NBAS: variants seen among roughly 807,000 people sequenced by gnomAD.
NBAS encodes NAG/BC035112 fusion.
NBAS carries 219 observed loss-of-function variants against 302.5 expected under a neutral mutation model. The observed-to-expected ratio is 0.72, with a 90% CI of 0.65 to 0.81. NBAS has a LOEUF of 0.81. NBAS is among the 30% of genes least tolerant of loss of function. NBAS has a pLI of 0.00. For missense variants in NBAS, 2,932 were observed against 2,841.6 expected (o/e 1.03, Z -0.72); for synonymous variants, 1,118 against 1,021.6 (o/e 1.09, Z -1.80).
At chr2:14,898,207 T>G in the NBAS span, among the ~76,000 whole-genome samples, 1 of 152,350 alleles carries the variant, frequency 6.6e-6, no homozygotes, top group Middle Eastern at 3.4e-3. Flanking sequence ...CTAATTCACA[T>G]TAAATGCTAA....
chr2:14,864,604 G>T, the NBAS span, among the ~76,000 whole-genome samples: 1 of 152,122 alleles, frequency 6.6e-6, no homozygotes, highest in East Asian at 1.9e-4. Context: ...AGGAAATAAT[G>T]TATTGTAAAG....
At chr2:15,209,867 T>A (rs779056300) in intron 48 of NBAS, among the ~76,000 whole-genome samples, 1 of 151,968 alleles carries the variant, frequency 6.6e-6, no homozygotes, top group Non-Finnish European at 1.5e-5. Context: ...AGAACAAACA[T>A]TGGAGAAAGG....
chr2:15,032,851 T>C, the NBAS span, among the ~76,000 whole-genome samples: 1 of 150,326 alleles, frequency 6.7e-6, no homozygotes, highest in Non-Finnish European at 1.5e-5. Context: ...CAGAGCTATT[T>C]GGCTGAAAAC....
chr2:14,945,207 C>G, the NBAS span, among the ~76,000 whole-genome samples: 1 of 152,206 alleles, frequency 6.6e-6, no homozygotes, highest in Non-Finnish European at 1.5e-5. Context: ...GGGCAGCACT[C>G]CAATCCTTTA....
chr2:15,046,264 T>A, the NBAS span, among the ~76,000 whole-genome samples: 1 of 152,226 alleles, frequency 6.6e-6, no homozygotes, highest in African/African-American at 2.4e-5. Flanking sequence ...ATAGCTAATT[T>A]TTATTTTAGT....
the NBAS span, among the ~76,000 whole-genome samples, chr2:15,104,609 C>T: frequency 6.6e-6 from 1 of 151,930 alleles, no homozygotes; most frequent in Non-Finnish European, 1.5e-5. Flanking sequence ...GGTTCTAGAT[C>T]CTTAAGGAAT....
chr2:15,543,199 T>C (rs1558426940), intron 6 of NBAS, among the ~76,000 whole-genome samples: 1 of 152,202 alleles, frequency 6.6e-6, no homozygotes, highest in Non-Finnish European at 1.5e-5. Context: ...TTTCATCAGC[T>C]GTAGCTCCTC....
chr2:15,535,902 T>C (rs1342611105), intron 8 of NBAS, among the ~76,000 whole-genome samples: 1 of 152,188 alleles, frequency 6.6e-6, no homozygotes, highest in Non-Finnish European at 1.5e-5. Context: ...ACACTAGTTG[T>C]TCTGGGAGTG....
intron 6 of NBAS, among the ~76,000 whole-genome samples, chr2:15,540,119 G>A (rs1328470876): frequency 2.0e-5 from 3 of 151,994 alleles, no homozygotes; most frequent in Non-Finnish European, 4.4e-5. Flanking sequence ...CGTTTGCTTC[G>A]GTTTCATCTT....
chr2:15,045,158 T>C, the NBAS span, among the ~76,000 whole-genome samples: 125,261 of 152,172 alleles, frequency 0.82, 51,902 homozygotes, highest in East Asian at 0.99. Flanking sequence ...TCCAGGGAGC[T>C]ATTGTTGACC....
the NBAS span, among the ~76,000 whole-genome samples, chr2:15,003,654 G>C: frequency 6.6e-6 from 1 of 152,184 alleles, no homozygotes. Context: ...AGGGTCTCAA[G>C]CCTCCTCCTC....
the NBAS span, among the ~76,000 whole-genome samples, chr2:15,132,766 A>T: frequency 7.9e-5 from 12 of 152,140 alleles, no homozygotes; most frequent in African/African-American, 2.9e-4. Context: ...TATTTTTAAA[A>T]GTCAGCAACT....
At chr2:15,352,840 GT>G (rs985193566) in intron 34 of NBAS, among the ~76,000 whole-genome samples, 2 of 152,046 alleles carry the variant, frequency 1.3e-5, no homozygotes, top group African/African-American at 4.8e-5. Context: ...AGTTTCAGGG[GT>G]TTTTTTCTAT....
At chr2:15,076,918 A>G in the NBAS span, among the ~76,000 whole-genome samples, 4 of 152,314 alleles carry the variant, frequency 2.6e-5, no homozygotes, top group East Asian at 5.8e-4. Context: ...GAATGACACT[A>G]AACAATCATA....
the NBAS span, among the ~76,000 whole-genome samples, chr2:15,088,137 A>G: frequency 6.6e-6 from 1 of 152,184 alleles, no homozygotes; most frequent in Non-Finnish European, 1.5e-5. Flanking sequence ...TCGAGCAGGA[A>G]TAAGGGATGC....
At chr2:15,300,364 T>C (rs1185390581) in intron 40 of NBAS, among the ~76,000 whole-genome samples, 2 of 152,248 alleles carry the variant, frequency 1.3e-5, no homozygotes, top group East Asian at 3.8e-4. Flanking sequence ...ATTTCCAAGA[T>C]GATTCATCTG....
chr2:15,355,657 GAT>G (rs1195968920), intron 33 of NBAS, among the ~76,000 whole-genome samples: 4 of 152,064 alleles, frequency 2.6e-5, no homozygotes, highest in African/African-American at 7.2e-5. Context: ...CTGTCGTTGT[GAT>G]AGTGAGTTGA....
chr2:15,092,356 A>G, the NBAS span, among the ~76,000 whole-genome samples: 12,046 of 152,232 alleles, frequency 0.079, 658 homozygotes, highest in Non-Finnish European at 0.12. Flanking sequence ...ATGATAAATT[A>G]TGCACCTTTG....
chr2:14,956,002 G>T, the NBAS span, among the ~76,000 whole-genome samples: 1 of 152,118 alleles, frequency 6.6e-6, no homozygotes, highest in South Asian at 2.1e-4. Context: ...GCATTGTCAG[G>T]CTGCAAATTT....
Sources: allele counts gnomAD v4.1 joint callset (sites outside exome capture counted in the v4.1 genomes callset), GRCh38; gene constraint gnomAD v4.1.1; transcripts MANE v1.5; gene names NCBI Gene and HGNC (gene_info 2026-07-23, HGNC 2026-07-21).